The following CNTN4 variants were observed in gnomAD, a reference collection of about 807,000 sequenced individuals.
CNTN4 encodes the protein contactin-4.
Under a neutral mutation model 122.5 loss-of-function variants are expected in CNTN4, and 77 were observed. That is an observed-to-expected ratio of 0.63 (90% CI 0.52 to 0.76). The LOEUF (loss-of-function observed/expected upper bound fraction) is 0.76, where lower values mean the gene tolerates loss of function less well. Ranked by LOEUF, CNTN4 falls within the 30% of genes least tolerant of loss-of-function variation. The probability of loss-of-function intolerance (pLI) is 0.00; values close to 1 mark genes in which losing one functional copy is unlikely to be tolerated. For missense variants in CNTN4, 1,256 were observed against 1,259.1 expected (o/e 1.00, Z 0.04); for synonymous variants, 512 against 447.0 (o/e 1.15, Z -1.83).
At chr3:3,006,236 T>C (rs926545977) in intron 14 of CNTN4, among the ~76,000 whole-genome samples, 2 of 152,192 alleles carry the variant, frequency 1.3e-5, no homozygotes, top group Non-Finnish European at 2.9e-5. Context: ...GTTTTGGTTA[T>C]TTGAACTTCA....
chr3:2,795,628 C>T (rs1231105606), intron 6 of CNTN4, among the ~76,000 whole-genome samples: 1 of 151,296 alleles, frequency 6.6e-6, no homozygotes, highest in African/African-American at 2.4e-5. Flanking sequence ...TCACGCCATT[C>T]TCCTGCCTCA....
At chr3:2,546,074 G>A (rs1198588205) in intron 3 of CNTN4, among the ~76,000 whole-genome samples, 4 of 152,070 alleles carry the variant, frequency 2.6e-5, no homozygotes, top group African/African-American at 9.7e-5. Context: ...TGGTGGGAAT[G>A]TAAAGTAGTT....
chr3:2,561,744 G>A (rs886225447), intron 3 of CNTN4, among the ~76,000 whole-genome samples: 3 of 152,174 alleles, frequency 2.0e-5, no homozygotes, highest in Non-Finnish European at 4.4e-5. Flanking sequence ...CAGCTAAATG[G>A]TAGAGCTGGG....
At chr3:2,592,859 T>C (rs952078109) in intron 4 of CNTN4, among the ~76,000 whole-genome samples, 1 of 152,222 alleles carries the variant, frequency 6.6e-6, no homozygotes, top group Non-Finnish European at 1.5e-5. Flanking sequence ...TTAGAAATGC[T>C]CACATAGATG....
At chr3:2,562,898 AT>A (rs575035430) in intron 3 of CNTN4, among the ~76,000 whole-genome samples, 1,668 of 148,890 alleles carry the variant, frequency 0.011, 13 homozygotes, top group Middle Eastern at 0.032. Flanking sequence ...TAACTTTTAA[AT>A]TTTTTTTTTG....
chr3:3,056,319 A>G lies in CNTN4; in HGVS notation c.*99A>G. ...CTAAGTAATATTGTTGTTCAAGTAC[A>G]TCTTATTACTGGAATAAAAATGTTT... On this transcript the variant is annotated 3_prime_UTR_variant, in exon 25 of 25. Coordinates refer to ENST00000418658, the MANE Select transcript of CNTN4 (RefSeq NM_175607.3). 2.3e-6 allele frequency: 2 copies of G among 887,998 alleles called. No individual in the cohort carries two copies. Among genetic ancestry groups the G allele is most frequent in the Non-Finnish European group, 1.9e-6 (1 of 534,384 alleles). 55.0% of individuals were successfully genotyped at this position (887,998 alleles called of 1,614,324 possible).
intron 3 of CNTN4, among the ~76,000 whole-genome samples, chr3:2,461,976 CA>C (rs1416349514): frequency 6.6e-6 from 1 of 152,176 alleles, no homozygotes; most frequent in Non-Finnish European, 1.5e-5. Flanking sequence ...ACTCCAGGAG[CA>C]TGTGCAATGC....
chr3:2,750,733 A>G (rs2090048799), intron 6 of CNTN4, among the ~76,000 whole-genome samples: 1 of 152,208 alleles, frequency 6.6e-6, no homozygotes, highest in Non-Finnish European at 1.5e-5. Context: ...ACCTAGGGCT[A>G]CAAATATGAT....
intron 2 of CNTN4, among the ~76,000 whole-genome samples, chr3:2,137,392 G>A (rs1211258097): frequency 6.6e-6 from 1 of 152,148 alleles, no homozygotes; most frequent in African/African-American, 2.4e-5. Flanking sequence ...TGTGTGAAGG[G>A]AAGACAGAAA....
At chr3:2,762,442 C>T (rs536606460) in intron 6 of CNTN4, among the ~76,000 whole-genome samples, 1 of 152,274 alleles carries the variant, frequency 6.6e-6, no homozygotes, top group South Asian at 2.1e-4. Context: ...TTAGCTTCCA[C>T]TTATAAGTAA....
intron 3 of CNTN4, among the ~76,000 whole-genome samples, chr3:2,513,125 G>C (rs1442124420): frequency 6.6e-6 from 1 of 152,176 alleles, no homozygotes; most frequent in African/African-American, 2.4e-5. Context: ...TCCTTGCCAA[G>C]TAATCAGTTC....
intron 6 of CNTN4, among the ~76,000 whole-genome samples, chr3:2,794,581 C>T (rs973844891): frequency 6.6e-6 from 1 of 152,110 alleles, no homozygotes; most frequent in African/African-American, 2.4e-5. Flanking sequence ...CTGGCTGTAC[C>T]TCAAATAGGG....
At chr3:2,840,487 T>A (rs1382809636) in intron 7 of CNTN4, among the ~76,000 whole-genome samples, 1 of 143,216 alleles carries the variant, frequency 7.0e-6, no homozygotes, top group African/African-American at 2.5e-5. Context: ...GATCACGAGG[T>A]CAGGAGATCG....
At chr3:2,529,175 G>C (rs2077507117) in intron 3 of CNTN4, among the ~76,000 whole-genome samples, 1 of 151,964 alleles carries the variant, frequency 6.6e-6, no homozygotes, top group African/African-American at 2.4e-5. Flanking sequence ...ACTTTTCTTA[G>C]CTTCTACACA....
intron 4 of CNTN4, among the ~76,000 whole-genome samples, chr3:2,684,096 C>T (rs1049078783): frequency 6.6e-6 from 1 of 152,164 alleles, no homozygotes; most frequent in East Asian, 1.9e-4. Context: ...CTGCAATTCA[C>T]ACTATTAAAT....
chr3:2,803,431 A>G (rs1559520399), intron 6 of CNTN4, among the ~76,000 whole-genome samples: 3 of 152,152 alleles, frequency 2.0e-5, no homozygotes, highest in Admixed American at 6.6e-5. Flanking sequence ...GACCAAAGAA[A>G]CTCTTGAAAA....
At chr3:2,993,741 T>C (rs1047668712) in intron 14 of CNTN4, among the ~76,000 whole-genome samples, 3 of 152,230 alleles carry the variant, frequency 2.0e-5, no homozygotes, top group African/African-American at 7.2e-5. Flanking sequence ...CCTCAGATCT[T>C]CAAAATTCTG....
chr3:2,287,662 A>G lies in CNTN4; in HGVS notation c.-144-51516A>G, dbSNP rs1277838697. 5.2e-3 allele frequency among the ~76,000 whole-genome samples: 177 copies of G among 34,220 alleles called. 6 individuals are homozygous for G. The highest frequency in any genetic ancestry group is 0.014 in the Middle Eastern group (1 of 72). 22.4% of individuals were successfully genotyped at this position (34,220 alleles called of 152,430 possible). ...GAAGAAGAAGAAGAAGAAGAAGAAGAAGAAGAAGAAGAAGAAGAAGAAGAA... is the reference window on the plus strand; with the variant it reads ...GAAGAAGAAGAAGAAGAAGAAGAAGGAGAAGAAGAAGAAGAAGAAGAAGAA... On this transcript the variant is annotated intron_variant, in intron 2 of 24. Coordinates refer to ENST00000418658, the MANE Select transcript of CNTN4 (RefSeq NM_175607.3).
chr3:2,900,886 G>C (rs544476863), intron 11 of CNTN4, 65 bp downstream of exon 11: 2 of 1,571,228 alleles, frequency 1.3e-6, no homozygotes, highest in Admixed American at 1.7e-5. Context: ...CCTCATTGCC[G>C]TGGAAACGGG....
Sources: gnomAD v4.1 joint callset for allele counts (sites outside exome capture counted in the v4.1 genomes callset) on GRCh38, gnomAD v4.1.1 for gene constraint, MANE v1.5 for transcripts, NCBI Gene and HGNC (gene_info 2026-07-23, HGNC 2026-07-21) for gene names.